Variants in MPP7 observed in about 807,000 individuals in gnomAD.
MPP7 encodes the protein MAGUK p55 scaffold protein 7.
MPP7 carries 60 observed loss-of-function variants against 76.5 expected under a neutral mutation model. That is an observed-to-expected ratio of 0.78 (90% confidence interval 0.64 to 0.97). The LOEUF is 0.97. Among genes scored for constraint, MPP7 ranks in the 50% least tolerant of loss-of-function variants. MPP7 has a pLI of 0.00. For missense variants in MPP7, 641 were observed against 694.0 expected, an observed-to-expected ratio of 0.92 and a Z score of 0.86; for synonymous variants, 237 against 244.5, an observed-to-expected ratio of 0.97 and a Z score of 0.29.
At chr10:28,062,531 AACAC>A (rs56923979) in intron 13 of MPP7, among the ~76,000 whole-genome samples, 9,834 of 132,108 alleles carry the variant, frequency 0.074, 324 homozygotes, top group Middle Eastern at 0.12. Context: ...CATAATAGTA[AACAC>A]ACACACACAC....
intron 2 of MPP7, among the ~76,000 whole-genome samples, chr10:28,225,427 G>GT (rs1490035012): frequency 1.3e-5 from 2 of 152,130 alleles, no homozygotes; most frequent in East Asian, 1.9e-4. Flanking sequence ...CATAAATGTG[G>GT]TAAGTGTTTA....
At chr10:28,252,117 C>A (rs1839633475) in intron 1 of MPP7, among the ~76,000 whole-genome samples, 1 of 152,164 alleles carries the variant, frequency 6.6e-6, no homozygotes, top group Non-Finnish European at 1.5e-5. Context: ...TGTGACTTAG[C>A]TTATACATTG....
At chr10:28,202,027 C>T (rs951532098) in intron 3 of MPP7, 126 bp downstream of exon 3, 14 of 685,518 alleles carry the variant, frequency 2.0e-5, no homozygotes, top group East Asian at 5.1e-5. Flanking sequence ...CCACGCCCGT[C>T]GGTGAATGGA....
chr10:28,116,732 A>G (rs1834673999), intron 11 of MPP7, among the ~76,000 whole-genome samples: 1 of 152,094 alleles, frequency 6.6e-6, no homozygotes, highest in South Asian at 2.1e-4. Context: ...TTAAGAGGTC[A>G]TGTTTTAGTT....
At chr10:28,058,199 C>T (rs1425066687) in intron 15 of MPP7, among the ~76,000 whole-genome samples, 2 of 152,266 alleles carry the variant, frequency 1.3e-5, no homozygotes, top group East Asian at 3.9e-4. Flanking sequence ...TTTAAAAATA[C>T]AGAATATGTA....
chr10:28,084,413 T>C (rs1192485826), intron 12 of MPP7, among the ~76,000 whole-genome samples: 3 of 152,130 alleles, frequency 2.0e-5, no homozygotes, highest in Non-Finnish European at 4.4e-5. Context: ...AAAAGCAAAA[T>C]GTACCCTAAT....
At chr10:28,268,561 G>A (rs571239172) in intron 1 of MPP7, among the ~76,000 whole-genome samples, 19 of 152,068 alleles carry the variant, frequency 1.2e-4, no homozygotes, top group Non-Finnish European at 2.2e-4. Flanking sequence ...GTGAAACCCC[G>A]TCTCTACTAA....
rs1390566587 is a variant in MPP7 at position 28,069,744 on chromosome 10, T to C, written c.1204+28A>G. ...TTTAAAATTATCGTAAGTGTAGTCA[T>C]AGGAACACTGAGTAGCGCAGAACTC... On this transcript the variant is annotated intron_variant, in intron 13 of 16. Coordinates refer to ENST00000683449, the MANE Select transcript of MPP7 (RefSeq NM_001318170.2). 2.6e-6 allele frequency: 4 copies of C among 1,560,570 alleles called. No individual in the cohort carries two copies. In the East Asian group the frequency reaches 9.0e-5, roughly 35 times the overall value.
chr10:28,063,069 T>C (rs1039024532), intron 13 of MPP7, among the ~76,000 whole-genome samples: 2 of 151,586 alleles, frequency 1.3e-5, no homozygotes, highest in Admixed American at 1.3e-4. Context: ...AGCCACAGAC[T>C]GGAAGAAAAT....
intron 1 of MPP7, among the ~76,000 whole-genome samples, chr10:28,273,555 C>G (rs1052930702): frequency 2.6e-5 from 4 of 152,218 alleles, no homozygotes; most frequent in South Asian, 2.1e-4. Flanking sequence ...ATTCTACCCA[C>G]TCTCACATTC....
chr10:28,284,933 T>C (rs974260128), intron 1 of MPP7, among the ~76,000 whole-genome samples: 1 of 152,230 alleles, frequency 6.6e-6, no homozygotes, highest in African/African-American at 2.4e-5. Context: ...TCTCAGCCAT[T>C]ATTTTTTTAT....
intron 5 of MPP7, among the ~76,000 whole-genome samples, chr10:28,144,087 C>T (rs1835624811): frequency 6.6e-6 from 1 of 152,132 alleles, no homozygotes; most frequent in Non-Finnish European, 1.5e-5. Flanking sequence ...TGGGGTTTCA[C>T]CATGTTGGCC....
chr10:28,146,968 C>A (rs951215934), intron 5 of MPP7, among the ~76,000 whole-genome samples: 1 of 152,112 alleles, frequency 6.6e-6, no homozygotes, highest in African/African-American at 2.4e-5. Context: ...GAATTGAAAT[C>A]TGTCTGCCAA....
intron 1 of MPP7, among the ~76,000 whole-genome samples, chr10:28,267,551 G>T (rs1304740912): frequency 6.6e-6 from 1 of 152,086 alleles, no homozygotes; most frequent in African/African-American, 2.4e-5. Context: ...CAAAGGAAAT[G>T]GTCACTAGAG....
At chr10:28,201,508 C>T (rs1226064360) in intron 3 of MPP7, among the ~76,000 whole-genome samples, 2 of 152,206 alleles carry the variant, frequency 1.3e-5, no homozygotes, top group Non-Finnish European at 2.9e-5. Context: ...TTCCAGTAAG[C>T]TTCTTGTTCT....
intron 6 of MPP7, among the ~76,000 whole-genome samples, chr10:28,126,610 C>T (rs1206805160): frequency 6.6e-6 from 1 of 152,168 alleles, no homozygotes; most frequent in South Asian, 2.1e-4. Flanking sequence ...CTCTATCTTC[C>T]CATAACCTTT....
chr10:28,231,061 T>C (rs1214075019), intron 2 of MPP7, among the ~76,000 whole-genome samples: 6 of 151,872 alleles, frequency 4.0e-5, no homozygotes, highest in Non-Finnish European at 7.4e-5. Context: ...TCAGAATACT[T>C]ATTGAAATTA....
At chr10:28,115,808 G>C (rs563282295) in intron 11 of MPP7, among the ~76,000 whole-genome samples, 1 of 152,066 alleles carries the variant, frequency 6.6e-6, no homozygotes, top group Non-Finnish European at 1.5e-5. Context: ...ATACCCTTTG[G>C]CTTCAGTTAA....
At position 28,280,934 on chromosome 10, in the gene MPP7, G is replaced by A. The variant is rs114484604; in HGVS notation, c.-132+21927C>T. 6.0e-3 allele frequency among the ~76,000 whole-genome samples: 911 copies of A among 152,142 alleles called. 16 individuals carry two copies. Among genetic ancestry groups the A allele is most frequent in the African/African-American group, 0.019 (797 of 41,422 alleles). ...TTGTACACATTCCTGTGTCTGACTAGAGTGGAGGGTATGTAAAAGAAAAAC... is the reference window on the plus strand; with the variant it reads ...TTGTACACATTCCTGTGTCTGACTAAAGTGGAGGGTATGTAAAAGAAAAAC... On this transcript the variant is annotated intron_variant, in intron 1 of 16. Transcript: ENST00000683449.
Sources: allele counts gnomAD v4.1 joint callset (sites outside exome capture counted in the v4.1 genomes callset), GRCh38; gene constraint gnomAD v4.1.1; transcripts MANE v1.5; gene names NCBI Gene and HGNC (gene_info 2026-07-23, HGNC 2026-07-21).